Variants in SYT17 observed in about 807,000 individuals in gnomAD.
SYT17 encodes the protein synaptotagmin-17.
In SYT17, 22 loss-of-function variants were observed where a neutral mutation model predicts 46.7. The ratio of observed to expected loss-of-function variants is 0.47; its 90% CI spans 0.34 to 0.67. The LOEUF is 0.67. Ranked by LOEUF, SYT17 falls within the 30% of genes least tolerant of loss-of-function variation. SYT17 has a pLI of 0.01. For synonymous variants in SYT17, 251 were observed against 248.4 expected (o/e 1.01, Z -0.10); for missense variants, 519 against 612.8 (o/e 0.85, Z 1.62).
chr16:19,207,350 C>T (rs1241268730), intron 5 of SYT17, among the ~76,000 whole-genome samples: 2 of 152,146 alleles, frequency 1.3e-5, no homozygotes, highest in Non-Finnish European at 2.9e-5. Flanking sequence ...AGTCTGTTCT[C>T]ACACTGCTAT....
intron 7 of SYT17, among the ~76,000 whole-genome samples, chr16:19,254,009 G>A (rs552221706): frequency 1.2e-4 from 19 of 152,312 alleles, no homozygotes; most frequent in African/African-American, 4.6e-4. Context: ...GATTACAGGG[G>A]TGAACCACCG....
intron 7 of SYT17, among the ~76,000 whole-genome samples, chr16:19,239,083 G>T (rs534182349): frequency 6.6e-6 from 1 of 151,974 alleles, no homozygotes; most frequent in Non-Finnish European, 1.5e-5. Flanking sequence ...TTTAAGACCA[G>T]TCTGGGCAAC....
At chr16:19,258,940 C>T (rs1343991465) in intron 7 of SYT17, among the ~76,000 whole-genome samples, 1 of 152,196 alleles carries the variant, frequency 6.6e-6, no homozygotes, top group Non-Finnish European at 1.5e-5. Flanking sequence ...GATCTTTGAG[C>T]CCTGGTGGAT....
At chr16:19,259,955 G>A (rs1968846193) in intron 7 of SYT17, among the ~76,000 whole-genome samples, 1 of 152,068 alleles carries the variant, frequency 6.6e-6, no homozygotes, top group African/African-American at 2.4e-5. Flanking sequence ...ACATGTAAGA[G>A]GTACATTGGT....
intron 7 of SYT17, among the ~76,000 whole-genome samples, chr16:19,239,203 G>A (rs1295932927): frequency 1.3e-5 from 2 of 152,102 alleles, no homozygotes; most frequent in Non-Finnish European, 2.9e-5. Context: ...GAGGATCACA[G>A]GAGTTGGAGG....
rs1296180282 is a variant in SYT17, at chr16:19,267,105, T to C, written c.*29T>C. ...CTGCAGGGAAGGCAGCTTTCATTTG[T>C]TTAAAAAAAAAAAAAAAAGACGGAA... is the stretch of plus-strand genomic sequence containing the variant. On this transcript the variant is annotated 3_prime_UTR_variant, in exon 8 of 8. Transcript: ENST00000355377. The C allele has an allele frequency of 1.6e-6, 2 of 1,228,550 alleles. No individual in the cohort carries two copies. Among genetic ancestry groups the C allele is most frequent in the South Asian group, 1.9e-5 (1 of 51,814 alleles). The allele number at this position is 1,228,550 out of a possible 1,614,324, so 76.1% of individuals were successfully genotyped here. A position where few individuals can be genotyped will look rare whatever the true frequency, so the allele number is the denominator to read the frequency against.
chr16:19,254,829 G>A (rs1456546548), intron 7 of SYT17, among the ~76,000 whole-genome samples: 5 of 152,206 alleles, frequency 3.3e-5, no homozygotes, highest in South Asian at 2.1e-4. Context: ...TCTAGTCGGT[G>A]TGATTCACAC....
At chr16:19,233,646 ACT>A (rs199906745) in intron 7 of SYT17, among the ~76,000 whole-genome samples, 3,504 of 152,016 alleles carry the variant, frequency 0.023, 167 homozygotes, top group African/African-American at 0.08. Flanking sequence ...ACAGAGTGAC[ACT>A]CTGTCTCAAA....
intron 3 of SYT17, among the ~76,000 whole-genome samples, chr16:19,179,898 C>T (rs375253181): frequency 3.3e-5 from 5 of 152,146 alleles, no homozygotes; most frequent in South Asian, 4.1e-4. Context: ...CCATTTCTGC[C>T]GCGCAAAGAA....
At chr16:19,197,328 A>ATT (rs59828547) in intron 5 of SYT17, among the ~76,000 whole-genome samples, 24,589 of 152,052 alleles carry the variant, frequency 0.16, 2,110 homozygotes, top group African/African-American at 0.2. Context: ...ATAGAAATTG[A>ATT]TTCATTTTAG....
In SYT17 at chr16:19,216,153, G is replaced by T. The variant is rs531202656; in HGVS notation, c.952-6892G>T. ...AAATTCAGGATCAGAACACAACAAA[G>T]AGTATTGGGGCTTTAGTGAAGGCTT... is the stretch of plus-strand genomic sequence containing the variant. On this transcript the variant is annotated intron_variant, in intron 5 of 7. Transcript: ENST00000355377. Among the ~76,000 whole-genome samples, 16 of 152,180 alleles carry T rather than the reference G, an allele frequency of 1.1e-4. 1 individual carries two copies. The highest frequency in any genetic ancestry group is 3.6e-4 in the African/African-American group (15 of 41,526).
chr16:19,178,227 C>T (rs550848420), intron 3 of SYT17, among the ~76,000 whole-genome samples: 3 of 150,740 alleles, frequency 2.0e-5, no homozygotes, highest in South Asian at 2.1e-4. Context: ...GGACTACAGG[C>T]GTCCGCCACC....
At chr16:19,243,882 C>A (rs1967333483) in intron 7 of SYT17, among the ~76,000 whole-genome samples, 1 of 150,380 alleles carries the variant, frequency 6.6e-6, no homozygotes, top group African/African-American at 2.4e-5. Flanking sequence ...AAATAAGGGC[C>A]CCAGCCTCAT....
chr16:19,185,643 T>G (rs556379295), intron 5 of SYT17, among the ~76,000 whole-genome samples: 2 of 151,960 alleles, frequency 1.3e-5, no homozygotes, highest in East Asian at 3.9e-4. Context: ...GGGGAGCCAT[T>G]TGGTGACGTG....
intron 5 of SYT17, among the ~76,000 whole-genome samples, chr16:19,203,255 C>T (rs1965534376): frequency 6.6e-6 from 1 of 151,820 alleles, no homozygotes; most frequent in Non-Finnish European, 1.5e-5. Flanking sequence ...GTTTGGGAGG[C>T]CGAGGAGGCT....
In SYT17 at chr16:19,197,457, TA is replaced by T. The variant is rs1389773995; in HGVS notation, c.951+13311del. On this transcript the variant is annotated intron_variant, in intron 5 of 7. Coordinates refer to ENST00000355377, the MANE Select transcript of SYT17 (RefSeq NM_016524.4). Reference sequence around the variant, plus strand: ...TTGTTTGTTTGTTTGTTATTATTATTATTTTTTTTGAGACAGGGTCTCACTC... The same window carrying T: ...TTGTTTGTTTGTTTGTTATTATTATTTTTTTTTTGAGACAGGGTCTCACTC... Among the ~76,000 whole-genome samples the T allele has an allele frequency of 4.0e-5, 6 of 151,756 alleles. No homozygotes were observed. The South Asian group carries it at 6.3e-4, about 16-fold the overall frequency.
chr16:19,231,881 C>T (rs114745500), intron 7 of SYT17, among the ~76,000 whole-genome samples: 1,951 of 152,276 alleles, frequency 0.013, 44 homozygotes, highest in African/African-American at 0.045. Context: ...AAATGCCACA[C>T]CAATAATGAT....
intron 5 of SYT17, among the ~76,000 whole-genome samples, chr16:19,200,379 A>G (rs1183081390): frequency 1.3e-5 from 2 of 152,256 alleles, no homozygotes; most frequent in Non-Finnish European, 2.9e-5. Flanking sequence ...AAGTGTTATC[A>G]TTTCCACAAG....
intron 5 of SYT17, among the ~76,000 whole-genome samples, chr16:19,188,787 T>C (rs1183413570): frequency 1.3e-5 from 2 of 152,210 alleles, no homozygotes; most frequent in African/African-American, 4.8e-5. Context: ...TCGCTTCTGG[T>C]GGTTGCAGGC....
Sources: allele counts gnomAD v4.1 joint callset (sites outside exome capture counted in the v4.1 genomes callset), GRCh38; gene constraint gnomAD v4.1.1; transcripts MANE v1.5; gene names NCBI Gene and HGNC (gene_info 2026-07-23, HGNC 2026-07-21).